Variants in MTMR14 observed in about 807,000 individuals in gnomAD.
MTMR14 encodes myotubularin related protein 14, also known as phosphatidylinositol-3,5-bisphosphate 3-phosphatase MTMR14.
A neutral mutation model predicts 86.3 loss-of-function variants in MTMR14; 48 were observed. That is an observed-to-expected ratio of 0.56 (90% CI 0.44 to 0.71). The LOEUF is 0.71. MTMR14 is among the 30% of genes least tolerant of loss of function. MTMR14 has a pLI of 0.00. For synonymous variants in MTMR14, 366 were observed against 326.1 expected (o/e 1.12, Z -1.32); for missense variants, 780 against 834.6 (o/e 0.93, Z 0.81).
chr3:9,685,100 C>T (rs897031210), intron 12 of MTMR14, 111 bp from the exon 13 acceptor site: 3 of 1,521,016 alleles, frequency 2.0e-6, no homozygotes, highest in African/African-American at 1.4e-5. Context: ...GCTGATCAGG[C>T]CCCACCTGCC....
At chr3:9,660,548 A>G (rs1232338785) in intron 2 of MTMR14, among the ~76,000 whole-genome samples, 1 of 152,228 alleles carries the variant, frequency 6.6e-6, no homozygotes, top group Non-Finnish European at 1.5e-5. Flanking sequence ...GGTGTGAGCC[A>G]CCACGCCTGG....
At chr3:9,673,951 GTGATGA>G (rs549909023) in intron 7 of MTMR14, among the ~76,000 whole-genome samples, 3 of 151,926 alleles carry the variant, frequency 2.0e-5, no homozygotes, top group Non-Finnish European at 4.4e-5. Context: ...GTTGATGATG[GTGATGA>G]TGATGATGAT....
rs761333668 is a variant in MTMR14 at position 9,671,134 on chromosome 3, T to A, written c.641T>A (p.Leu214Gln). The A allele has an allele frequency of 9.9e-6, 16 of 1,614,088 alleles. No homozygotes were observed. The highest frequency in any genetic ancestry group is 1.4e-5 in the Non-Finnish European group (16 of 1,180,030). Residue 214 changes from leucine to glutamine, a missense_variant, in exon 6 of 19, where the codon CTG becomes CAG. Transcript: ENST00000296003. The stretch of plus-strand genomic sequence containing the variant: ...CTGTCAGTCAAATACATCTGTGACC[T>A]GATGGTGGAGAACAAGAAGGTGAAG... ...RYLSVKYICD[L>Q]MVENKKVKFG...
At chr3:9,661,514 G>T (rs1240087022) in intron 2 of MTMR14, among the ~76,000 whole-genome samples, 1 of 152,134 alleles carries the variant, frequency 6.6e-6, no homozygotes, top group Non-Finnish European at 1.5e-5. Context: ...GGGGCTCAGG[G>T]CCTGGGGACT....
At chr3:9,658,105 TTAAAGTGTTAC>T (rs2047716963) in intron 2 of MTMR14, among the ~76,000 whole-genome samples, 1 of 152,208 alleles carries the variant, frequency 6.6e-6, no homozygotes, top group African/African-American at 2.4e-5. Flanking sequence ...TTGCAAGGCC[TTAAAGTGTTAC>T]TGAAGTGATG....
At position 9,672,723 on chromosome 3, in the gene MTMR14, A is replaced by C. The variant is rs2048637757; in HGVS notation, c.716A>C (p.Tyr239Ser). Residue 239 changes from tyrosine to serine, a missense_variant, in exon 7 of 19, where the codon TAT becomes TCT. Tyr to Ser is a moderately radical substitution (Grantham distance 144, BLOSUM62 -2). Transcript: ENST00000296003. ...SSEKVDKAQR[Y>S]ADFTLLSIPY... ...GAGAAGGTGGACAAAGCCCAGCGCT[A>C]TGCCGACTTCACTCTCCTCTCCATC... 2 of 1,614,160 alleles carry C rather than the reference A, an allele frequency of 1.2e-6. No homozygotes were observed. The highest frequency in any genetic ancestry group is 8.5e-7 in the Non-Finnish European group (1 of 1,180,040).
intron 3 of MTMR14, among the ~76,000 whole-genome samples, chr3:9,667,787 C>G (rs532210978): frequency 6.6e-6 from 1 of 152,310 alleles, no homozygotes; most frequent in African/African-American, 2.4e-5. Context: ...AACTTTCCTT[C>G]CCATTATCTT....
Position 9,701,732 on chromosome 3 carries a change from G to A in MTMR14, c.1770-58G>A, listed in dbSNP as rs2076465116. 1 of 1,586,014 alleles carries A rather than the reference G, an allele frequency of 6.3e-7. No individual in the cohort carries two copies. Among genetic ancestry groups the A allele is most frequent in the Non-Finnish European group, 8.6e-7 (1 of 1,159,846 alleles). ...GGTGGTATGGAGGGAGGGAGGATGA[G>A]GATACTGGGTCCTGTCCCAGGGTAA... is the stretch of plus-strand genomic sequence containing the variant. On this transcript the variant is annotated intron_variant, in intron 18 of 18. Coordinates refer to ENST00000296003, the MANE Select transcript of MTMR14 (RefSeq NM_001077525.3). The surrounding 1 kb of genome is among the most constrained non-coding windows in gnomAD (Gnocchi z 4.2).
chr3:9,680,616 C>T (rs1368556465), intron 9 of MTMR14, among the ~76,000 whole-genome samples: 7 of 152,158 alleles, frequency 4.6e-5, no homozygotes, highest in African/African-American at 7.2e-5. Context: ...GAGGCCAAGG[C>T]GGGCAGATCA....
At chr3:9,698,482 C>G (rs2076351268) in intron 18 of MTMR14, among the ~76,000 whole-genome samples, 1 of 152,244 alleles carries the variant, frequency 6.6e-6, no homozygotes, top group Non-Finnish European at 1.5e-5. Flanking sequence ...GGATGTCAGG[C>G]AGGAGAAAGC....
chr3:9,651,997 A>G (rs761356758), intron 1 of MTMR14, among the ~76,000 whole-genome samples: 4 of 151,668 alleles, frequency 2.6e-5, no homozygotes, highest in Admixed American at 1.3e-4. Flanking sequence ...ATGCCCAGCT[A>G]ATTTTTATAT....
At chr3:9,680,995 C>G (rs1475353938) in intron 9 of MTMR14, among the ~76,000 whole-genome samples, 2 of 152,184 alleles carry the variant, frequency 1.3e-5, no homozygotes, top group African/African-American at 4.8e-5. Flanking sequence ...ACAGATCAGG[C>G]TTGGCTCTCC....
chr3:9,663,924 G>T (rs2048100350), intron 3 of MTMR14, among the ~76,000 whole-genome samples: 1 of 151,956 alleles, frequency 6.6e-6, no homozygotes, highest in African/African-American at 2.4e-5. Context: ...GAGTAGCTGG[G>T]ATTACAGGAG....
rs570134280 is a variant in MTMR14, at chr3:9,690,679, G to T, written c.1613+536G>T. Among the ~76,000 whole-genome samples, 3 of 152,344 alleles carry T rather than the reference G, an allele frequency of 2.0e-5. No individual in the cohort carries two copies. In the East Asian group the frequency reaches 5.8e-4, roughly 29 times the overall value. On this transcript the variant is annotated intron_variant, in intron 17 of 18. Coordinates refer to ENST00000296003, the MANE Select transcript of MTMR14 (RefSeq NM_001077525.3). The stretch of plus-strand genomic sequence containing the variant: ...GGCGCTGCAGGAATGGTGCCTCCTG[G>T]GTGAGTTTAAAGCTGAGCACAGGCC...
chr3:9,672,660 A>C, intron 6 of MTMR14, 25 bp from the exon 7 acceptor site: 1 of 1,600,768 alleles, frequency 6.2e-7, no homozygotes, highest in Non-Finnish European at 8.6e-7. Flanking sequence ...GCGACACTGT[A>C]ACACATTGTA....
chr3:9,685,907 T>C (rs532220407), intron 13 of MTMR14, among the ~76,000 whole-genome samples: 1 of 152,310 alleles, frequency 6.6e-6, no homozygotes, highest in South Asian at 2.1e-4. Flanking sequence ...CCTTACTGCC[T>C]GGGTGACCTT....
At chr3:9,674,225 A>G (rs2048729788) in intron 7 of MTMR14, among the ~76,000 whole-genome samples, 1 of 152,236 alleles carries the variant, frequency 6.6e-6, no homozygotes, top group African/African-American at 2.4e-5. Context: ...TGCTAGAAGT[A>G]TAAATAACAT....
In MTMR14 at chr3:9,689,976, C is replaced by T; in HGVS notation, c.1446C>T (p.His482=). 6.2e-7 allele frequency: 1 copy of T among 1,610,682 alleles called. No individual in the cohort carries two copies. The highest frequency in any genetic ancestry group is 1.1e-5 in the South Asian group (1 of 90,580). ...APTQAAWRKS[H]SSSPQSVLWN... ...CCTTCCACTGCAGGAGGAAGAGCCA[C>T]TCATCCTCTCCACAGAGTGTCCTCT... The change falls in exon 17 of 19, where the codon CAC becomes CAT. Residue 482 remains histidine (H), a synonymous_variant. Transcript: ENST00000296003.
At chr3:9,679,046 G>A (rs1469047036) in intron 9 of MTMR14, among the ~76,000 whole-genome samples, 1 of 152,196 alleles carries the variant, frequency 6.6e-6, no homozygotes, top group East Asian at 1.9e-4. Flanking sequence ...ACCCATCTAT[G>A]TTAAGCAACT....
Sources: gnomAD v4.1 joint callset for allele counts (sites outside exome capture counted in the v4.1 genomes callset) on GRCh38, gnomAD v4.1.1 for gene constraint, Gnocchi (gnomAD v3.1) non-coding constraint, MANE v1.5 for transcripts, NCBI Gene and HGNC (gene_info 2026-07-23, HGNC 2026-07-21) for gene names.